MCF2L: variants seen among roughly 807,000 people sequenced by gnomAD.
The protein encoded by MCF2L is MCF.2 cell line derived transforming sequence like, also known as guanine nucleotide exchange factor DBS.
In MCF2L, 97 loss-of-function variants were observed where a neutral mutation model predicts 153.4. The ratio of observed to expected loss-of-function variants is 0.63; its 90% CI spans 0.54 to 0.75. The LOEUF (loss-of-function observed/expected upper bound fraction) is 0.75, where lower values mean the gene tolerates loss of function less well. Ranked by LOEUF, MCF2L falls within the 30% of genes least tolerant of loss-of-function variation. MCF2L has a pLI of 0.00. For synonymous variants in MCF2L, 659 were observed against 632.2 expected (o/e 1.04, Z -0.64); for missense variants, 1,347 against 1,495.2 (o/e 0.90, Z 1.64).
Position 113,089,677 on chromosome 13 carries a change from G to A in MCF2L, c.2902G>A (p.Glu968Lys). Residue 968 changes from glutamate (E) to lysine (K), a missense_variant, in exon 26 of 30, where the codon GAG becomes AAG. Coordinates refer to ENST00000535094, the MANE Select transcript of MCF2L (RefSeq NM_001112732.3). Reference sequence around the variant, plus strand: ...AAGGAAAACAGACCCCCTAAGCCTGGAGGGATACGTCAGCTCAGCGCCACT... The same window carrying A: ...AAGGAAAACAGACCCCCTAAGCCTGAAGGGATACGTCAGCTCAGCGCCACT... ...EERKTDPLSL[E>K]GYVSSAPLTK... 4.3e-6 allele frequency: 7 copies of A among 1,613,970 alleles called. No homozygotes were observed. In the South Asian group the frequency reaches 7.7e-5, roughly 18 times the overall value.
intron 1 of MCF2L, chr13:112,979,368 T>C: frequency 7.5e-7 from 1 of 1,326,948 alleles, no homozygotes; most frequent in Non-Finnish European, 9.6e-7. Context: ...ACCTCGGCAT[T>C]GTCTGCCTGC....
intron 2 of MCF2L, among the ~76,000 whole-genome samples, chr13:112,905,830 C>G (rs1298658528): frequency 6.6e-6 from 1 of 152,214 alleles, no homozygotes; most frequent in Non-Finnish European, 1.5e-5. Context: ...TTGTGAATAA[C>G]ACTCCTATGA....
chr13:112,968,606 C>T (rs774324349), upstream of MCF2L: 28 of 1,533,934 alleles, frequency 1.8e-5, no homozygotes, highest in East Asian at 6.2e-4. Context: ...CAGCGACCCA[C>T]GGACCTGCTT....
chr13:112,897,930 C>G (rs1380084591), intron 1 of MCF2L, among the ~76,000 whole-genome samples: 1 of 152,174 alleles, frequency 6.6e-6, no homozygotes, highest in Middle Eastern at 3.2e-3. Context: ...GACCTCTCAC[C>G]CTGCAGCATC....
chr13:113,095,023 G>C (rs1292741029), intron 27 of MCF2L: 2 of 1,374,332 alleles, frequency 1.5e-6, no homozygotes. Flanking sequence ...CCTCAGAGGA[G>C]ACAGTCCCCA....
Position 113,097,031 on chromosome 13 carries a change from C to G in MCF2L, c.*172C>G. On this transcript the variant is annotated 3_prime_UTR_variant, in exon 30 of 30. Transcript: ENST00000535094. The stretch of plus-strand genomic sequence containing the variant: ...GCAGAGGCAGGTTCCACGGAAGACC[C>G]CGGCCCGCTGGGGCTTCCCCGGAGA... The G allele has an allele frequency of 2.4e-6, 1 of 409,744 alleles. No individual in the cohort carries two copies. Among genetic ancestry groups the G allele is most frequent in the South Asian group, 7.4e-5 (1 of 13,590 alleles). 25.4% of individuals were successfully genotyped at this position (409,744 alleles called of 1,614,324 possible).
chr13:113,021,835 AG>A (rs2084904309), intron 2 of MCF2L, among the ~76,000 whole-genome samples: 1 of 151,920 alleles, frequency 6.6e-6, no homozygotes, highest in South Asian at 2.1e-4. Flanking sequence ...AAGAAAGAAC[AG>A]GGTCTTTGCT....
At chr13:112,930,636 A>T (rs1281738711) in intron 2 of MCF2L, among the ~76,000 whole-genome samples, 1 of 152,212 alleles carries the variant, frequency 6.6e-6, no homozygotes. Flanking sequence ...GCACAGAGTA[A>T]ATCTTAATAC....
At chr13:113,042,243 T>A (rs1457998426) in intron 3 of MCF2L, 2 of 152,240 alleles carry the variant, frequency 1.3e-5, no homozygotes, top group Non-Finnish European at 2.9e-5. Flanking sequence ...GAACCAGCGC[T>A]GCCTTCCTGC....
Position 113,081,195 on chromosome 13 carries a change from C to T in MCF2L, c.1809-18C>T, listed in dbSNP as rs1319995899. The T allele has an allele frequency of 6.4e-7, 1 of 1,570,230 alleles. No individual in the cohort carries two copies. Among genetic ancestry groups the T allele is most frequent in the Admixed American group, 1.9e-5 (1 of 52,472 alleles). The stretch of plus-strand genomic sequence containing the variant: ...CCCAGTGCTAACCTTTTTTGCTCTC[C>T]ACATGACCTGCCACCAGGCACGTGA... On this transcript the variant is annotated intron_variant, in intron 15 of 29. Coordinates refer to ENST00000535094, the MANE Select transcript of MCF2L (RefSeq NM_001112732.3).
chr13:113,045,432 C>T lies in MCF2L; in HGVS notation c.369+71C>T. On this transcript the variant is annotated intron_variant, in intron 4 of 29. Transcript: ENST00000535094. This position sits in a 1 kb window ranked among gnomAD's most constrained non-coding sequence, Gnocchi z 4.2. ...GCTGCATGACCGCATGGTGCCCTTC[C>T]TCTGTGTCTGCCGCAGTTCCTGCTT... The T allele has an allele frequency of 3.1e-6, 4 of 1,274,978 alleles. No individual in the cohort carries two copies. In the South Asian group the frequency reaches 4.8e-5, roughly 15 times the overall value. The allele number at this position is 1,274,978 out of a possible 1,614,324, so 79.0% of individuals were successfully genotyped here. A position where few individuals can be genotyped will look rare whatever the true frequency, so the allele number is the denominator to read the frequency against.
intron 5 of MCF2L, among the ~76,000 whole-genome samples, chr13:113,061,061 C>T (rs57909942): frequency 0.013 from 1,929 of 152,226 alleles, 46 homozygotes; most frequent in African/African-American, 0.044. Flanking sequence ...GCCTGGCCCA[C>T]CCGCGAGGAA....
rs183557603 is a variant in MCF2L, at chr13:112,951,746, G to A, written c.169+49375G>A. 4.6e-4 allele frequency among the ~76,000 whole-genome samples: 70 copies of A among 152,310 alleles called. No individual in the cohort carries two copies. The highest frequency in any genetic ancestry group is 1.5e-3 in the African/African-American group (62 of 41,560). Reference sequence around the variant, plus strand: ...GTAGAGACAGCCCAGGTCTGGCTGCGTCATTGTCAGTATGCTGGCTGCAGT... The same window carrying A: ...GTAGAGACAGCCCAGGTCTGGCTGCATCATTGTCAGTATGCTGGCTGCAGT... On this transcript the variant is annotated intron_variant, in intron 2 of 29. Transcript: ENST00000375608. The surrounding 1 kb of genome is among the most constrained non-coding windows in gnomAD (Gnocchi z 4.8).
chr13:112,947,042 A>G (rs561044855), intron 2 of MCF2L, among the ~76,000 whole-genome samples: 1 of 152,298 alleles, frequency 6.6e-6, no homozygotes, highest in Admixed American at 6.5e-5. Flanking sequence ...AAAACATCAC[A>G]GACTGGGTAA....
chr13:113,039,819 A>G (rs2086370842), intron 3 of MCF2L, among the ~76,000 whole-genome samples: 1 of 152,216 alleles, frequency 6.6e-6, no homozygotes, highest in East Asian at 1.9e-4. Flanking sequence ...CCATGGAGCA[A>G]CCAGAAGTCA....
intron 13 of MCF2L, 147 bp from the exon 14 acceptor site, chr13:113,078,216 T>A: frequency 1.5e-6 from 1 of 660,408 alleles, no homozygotes; most frequent in Admixed American, 2.6e-5. Flanking sequence ...CCCTGTGGCC[T>A]CAGAGGCCAA....
intron 2 of MCF2L, among the ~76,000 whole-genome samples, chr13:112,921,890 TATATC>T (rs2081356686): frequency 6.6e-6 from 1 of 151,918 alleles, no homozygotes; most frequent in Admixed American, 6.6e-5. Context: ...TATCAATACT[TATATC>T]AGTAAAAATG....
intron 4 of MCF2L, among the ~76,000 whole-genome samples, chr13:113,058,079 G>C (rs2030554068): frequency 6.7e-6 from 1 of 150,142 alleles, no homozygotes; most frequent in Non-Finnish European, 1.5e-5. Context: ...TTTCGGTGCT[G>C]TTTGGGTGCT....
chr13:113,071,127 G>T (rs59243011), intron 9 of MCF2L, among the ~76,000 whole-genome samples: 2 of 152,046 alleles, frequency 1.3e-5, no homozygotes, highest in Non-Finnish European at 1.5e-5. Context: ...TTTCTGTTGC[G>T]TTTCCCCAGT....
Sources: allele counts gnomAD v4.1 joint callset (sites outside exome capture counted in the v4.1 genomes callset), GRCh38; gene constraint gnomAD v4.1.1; non-coding constraint Gnocchi (gnomAD v3.1); transcripts MANE v1.5; gene names NCBI Gene and HGNC (gene_info 2026-07-23, HGNC 2026-07-21).